GPHN: variants seen among roughly 807,000 people sequenced by gnomAD.
The protein encoded by GPHN is gephyrin.
GPHN carries 17 observed loss-of-function variants against 95.5 expected under a neutral mutation model. That is an observed-to-expected ratio of 0.18 (90% CI 0.12 to 0.27). The LOEUF (loss-of-function observed/expected upper bound fraction) is 0.27, where lower values mean the gene tolerates loss of function less well. Among genes scored for constraint, GPHN ranks in the 10% least tolerant of loss-of-function variants. The pLI, the probability that GPHN is intolerant of heterozygous loss-of-function variation, is 1.00. For missense variants in GPHN, 660 were observed against 978.1 expected (o/e 0.67, Z 4.34); for synonymous variants, 320 against 322.5 (o/e 0.99, Z 0.08).
At chr14:67,488,952 C>T in the GPHN span, among the ~76,000 whole-genome samples, 1 of 152,178 alleles carries the variant, frequency 6.6e-6, no homozygotes, top group Non-Finnish European at 1.5e-5. Context: ...TGATGGTGCA[C>T]CTCTCCCTCC....
intron 9 of GPHN, among the ~76,000 whole-genome samples, chr14:67,023,342 TCC>T (rs2073758397): frequency 6.6e-6 from 1 of 152,100 alleles, no homozygotes; most frequent in South Asian, 2.1e-4. Context: ...GTAACAAATT[TCC>T]ATATACCGAT....
chr14:66,922,821 G>T lies in GPHN; in HGVS notation c.612G>T (p.Gln204His), dbSNP rs980674370. The change falls in exon 7 of 23, where the codon CAG becomes CAT. Residue 204 changes from glutamine to histidine, a missense_variant. Physicochemically the swap from Gln to His is conservative, Grantham distance 24 (BLOSUM62 0). This residue lies in a region of GPHN where 190 missense variants were observed against 224.7 expected (regional missense o/e 0.85). Coordinates refer to ENST00000478722, the MANE Select transcript of GPHN (RefSeq NM_020806.5). ...SPPPTTSPHK[Q>H]TEDKGVQCEE... Reference sequence around the variant, plus strand: ...CTCCTACTACCAGCCCCCATAAACAGACAGAAGACAAAGGAGTTCAATGTG... The same window carrying T: ...CTCCTACTACCAGCCCCCATAAACATACAGAAGACAAAGGAGTTCAATGTG... The T allele has an allele frequency of 6.2e-7, 1 of 1,612,710 alleles. No individual in the cohort carries two copies. Among genetic ancestry groups the T allele is most frequent in the Admixed American group, 1.7e-5 (1 of 59,902 alleles).
chr14:66,728,260 G>A (rs1054130763), intron 2 of GPHN, among the ~76,000 whole-genome samples: 1 of 152,112 alleles, frequency 6.6e-6, no homozygotes, highest in Non-Finnish European at 1.5e-5. Flanking sequence ...GGCTCTCATG[G>A]AGAATCTCTG....
At chr14:66,989,653 TAGAA>T (rs1471521744) in intron 9 of GPHN, among the ~76,000 whole-genome samples, 2 of 85,776 alleles carry the variant, frequency 2.3e-5, no homozygotes, top group African/African-American at 1.4e-4. Context: ...CTGTCCAATA[TAGAA>T]AAAAAAAAAA....
chr14:66,994,687 A>G (rs1432318609), intron 9 of GPHN, among the ~76,000 whole-genome samples: 1 of 152,206 alleles, frequency 6.6e-6, no homozygotes, highest in Non-Finnish European at 1.5e-5. Flanking sequence ...ATAGATATAG[A>G]CACAGAACAA....
At chr14:66,604,653 A>G (rs117473027) in intron 1 of GPHN, among the ~76,000 whole-genome samples, 1,846 of 152,304 alleles carry the variant, frequency 0.012, 23 homozygotes, top group Non-Finnish European at 0.018. Context: ...CATATGTCTG[A>G]TTTAAAATGA....
the GPHN span, chr14:67,471,538 CA>C: frequency 1.3e-5 from 2 of 152,176 alleles, no homozygotes; most frequent in Non-Finnish European, 2.9e-5. Context: ...CTGTAACCCC[CA>C]AAGCCCTGGA....
intron 5 of GPHN, among the ~76,000 whole-genome samples, chr14:66,907,770 A>G (rs1026959033): frequency 1.3e-5 from 2 of 152,142 alleles, no homozygotes; most frequent in African/African-American, 4.8e-5. Context: ...GTTGTATCCC[A>G]TGGAGGTATG....
chr14:67,589,288 G>GAAAC, the GPHN span: 2 of 925,742 alleles, frequency 2.2e-6, no homozygotes, highest in East Asian at 1.2e-4. Flanking sequence ...TTATACAGAA[G>GAAAC]AAACTAACTT....
At chr14:67,581,524 T>A in the GPHN span, 29 of 165,442 alleles carry the variant, frequency 1.8e-4, no homozygotes, top group Non-Finnish European at 3.6e-4. Context: ...AGACCCTGCC[T>A]CAAAAAAAAG....
chr14:66,552,102 A>G (rs1594932626), intron 1 of GPHN, among the ~76,000 whole-genome samples: 1 of 151,898 alleles, frequency 6.6e-6, no homozygotes, highest in African/African-American at 2.4e-5. Context: ...CCTCCCTTTC[A>G]TTTTTCCCCA....
chr14:67,134,850 CTCTT>C (rs1472875090), intron 17 of GPHN, among the ~76,000 whole-genome samples: 1 of 147,548 alleles, frequency 6.8e-6, no homozygotes, highest in Non-Finnish European at 1.5e-5. Context: ...TTCTTTCTTT[CTCTT>C]TCTCTTTCTT....
the GPHN span, chr14:67,205,016 A>T: frequency 6.4e-7 from 1 of 1,556,078 alleles, no homozygotes; most frequent in Admixed American, 2.0e-5. Context: ...GACAGCTCTG[A>T]TATTACAAAC....
At chr14:66,731,235 G>GT (rs2071741340) in intron 2 of GPHN, among the ~76,000 whole-genome samples, 1 of 152,196 alleles carries the variant, frequency 6.6e-6, no homozygotes. Flanking sequence ...AAAGTGGTGA[G>GT]TGAGGTACTG....
At chr14:67,716,054 G>A in the GPHN span, among the ~76,000 whole-genome samples, 1 of 152,058 alleles carries the variant, frequency 6.6e-6, no homozygotes, top group Non-Finnish European at 1.5e-5. Flanking sequence ...AAAATTAGCC[G>A]GGGGTGGTAG....
chr14:66,785,274 G>T (rs1037493355), intron 3 of GPHN, among the ~76,000 whole-genome samples: 1 of 152,244 alleles, frequency 6.6e-6, no homozygotes, highest in East Asian at 1.9e-4. Context: ...GCTGAGGCAG[G>T]AGAATCTCTT....
At position 66,534,690 on chromosome 14, in the gene GPHN, A is replaced by G. The variant is rs186004294; in HGVS notation, c.64+26099A>G. Among the ~76,000 whole-genome samples, 41 of 152,258 alleles carry G rather than the reference A, an allele frequency of 2.7e-4. 1 individual carries two copies. The highest frequency in any genetic ancestry group is 9.6e-4 in the African/African-American group (40 of 41,576). On this transcript the variant is annotated intron_variant, in intron 1 of 22. Coordinates refer to ENST00000478722, the MANE Select transcript of GPHN (RefSeq NM_020806.5). The stretch of plus-strand genomic sequence containing the variant: ...AATGTAGGAGGGTTTGAGTAGTTCT[A>G]CATTTTTGTCAATATTGTGTATTGT...
Position 66,853,571 on chromosome 14 carries a change from C to A in GPHN, c.295-26368C>A, listed in dbSNP as rs530439033. The stretch of plus-strand genomic sequence containing the variant: ...GCAAGAGAGCTTGTGCAGGGGAACT[C>A]CCATTTATAAAACCATCAGATCTCA... On this transcript the variant is annotated intron_variant, in intron 4 of 22. Transcript: ENST00000478722. Among the ~76,000 whole-genome samples the A allele has an allele frequency of 2.0e-5, 3 of 152,224 alleles. No homozygotes were observed. The East Asian group carries it at 5.8e-4, about 29-fold the overall frequency.
chr14:67,277,213 G>C, the GPHN span, among the ~76,000 whole-genome samples: 1 of 152,130 alleles, frequency 6.6e-6, no homozygotes, highest in African/African-American at 2.4e-5. Context: ...TGAAAACGAA[G>C]GCAGTCTAAT....
Sources: gnomAD v4.1 joint callset for allele counts (sites outside exome capture counted in the v4.1 genomes callset) on GRCh38, gnomAD v4.1.1 for gene constraint, gnomAD v4.1.1 regional missense constraint, MANE v1.5 for transcripts, NCBI Gene and HGNC (gene_info 2026-07-23, HGNC 2026-07-21) for gene names.